Variants in PRCC observed in about 807,000 individuals in gnomAD.
PRCC encodes the protein proline rich mitotic checkpoint control factor, also known as proline-rich protein PRCC.
In PRCC, 10 loss-of-function variants were observed where a neutral mutation model predicts 44.0. That is an observed-to-expected ratio of 0.23 (90% CI 0.14 to 0.39). The LOEUF is 0.39. Ranked by LOEUF, PRCC falls within the 10% of genes least tolerant of loss-of-function variation. The probability of loss-of-function intolerance (pLI) is 1.00; values close to 1 mark genes in which losing one functional copy is unlikely to be tolerated. For missense variants in PRCC, 573 were observed against 624.7 expected, an observed-to-expected ratio of 0.92 and a Z score of 0.88; for synonymous variants, 278 against 259.5, an observed-to-expected ratio of 1.07 and a Z score of -0.69.
At chr1:156,790,298 A>T (rs935529613) in intron 3 of PRCC, among the ~76,000 whole-genome samples, 60 of 152,248 alleles carry the variant, frequency 3.9e-4, no homozygotes, top group African/African-American at 1.4e-3. Flanking sequence ...CAGAGATAGT[A>T]TATCTGCCCT....
intron 1 of PRCC, among the ~76,000 whole-genome samples, chr1:156,779,635 C>T (rs59671540): frequency 6.6e-6 from 1 of 152,146 alleles, no homozygotes; most frequent in Non-Finnish European, 1.5e-5. Flanking sequence ...TCCCAAAGTG[C>T]TGGAATGACA....
chr1:156,781,728 T>C (rs1432273936), intron 1 of PRCC, among the ~76,000 whole-genome samples: 1 of 152,200 alleles, frequency 6.6e-6, no homozygotes, highest in East Asian at 1.9e-4. Context: ...AGACAATAGA[T>C]CATACTTGGA....
intron 1 of PRCC, among the ~76,000 whole-genome samples, chr1:156,768,842 CAG>C (rs1651517177): frequency 6.6e-6 from 1 of 152,118 alleles, no homozygotes; most frequent in South Asian, 2.1e-4. Flanking sequence ...AGATGAGAAA[CAG>C]GTGTCCAGCA....
chr1:156,797,259 G>T lies in PRCC; in HGVS notation c.1324-17G>T, dbSNP rs747488685. The T allele has an allele frequency of 4.3e-6, 7 of 1,613,892 alleles. No individual in the cohort carries two copies. The East Asian group carries it at 8.9e-5, about 21-fold the overall frequency. On this transcript the variant is annotated splice_polypyrimidine_tract_variant and intron_variant, in intron 5 of 6. Transcript: ENST00000271526. Reference sequence around the variant, plus strand: ...TTTCATCCTGTGGATTAATGAATATGTTTTCTTCTCTTGCAGAAGAAAGGT... The same window carrying T: ...TTTCATCCTGTGGATTAATGAATATTTTTTCTTCTCTTGCAGAAGAAAGGT...
chr1:156,774,080 T>C (rs1328311854), intron 1 of PRCC, among the ~76,000 whole-genome samples: 1 of 150,082 alleles, frequency 6.7e-6, no homozygotes, highest in Non-Finnish European at 1.5e-5. Flanking sequence ...GAATAGCAGT[T>C]ACCAGGGGCT....
rs1248928448 is a variant in PRCC at position 156,768,133 on chromosome 1, A to G, written c.362A>G (p.Asn121Ser). 1.5e-5 allele frequency: 24 copies of G among 1,568,156 alleles called. 2 individuals are homozygous for G. The Admixed American group carries it at 3.7e-4, about 24-fold the overall frequency. The change falls in exon 1 of 7, where the codon AAT becomes AGT. Residue 121 changes from asparagine (N) to serine (S), a missense_variant. By Grantham distance (46) the Asn-to-Ser change is conservative (BLOSUM62 1). Around this residue, in one of 4 missense-constraint regions of PRCC, gnomAD observed 245 missense variants for 188.5 expected, o/e 1.30. Transcript: ENST00000271526. ...CCCTCGCCCCGAGGCCCTGGCCTCAATCTGCCCCCTCCAATTGGCGGTGCC... is the reference window on the plus strand; with the variant it reads ...CCCTCGCCCCGAGGCCCTGGCCTCAGTCTGCCCCCTCCAATTGGCGGTGCC... ...GLPSPRGPGL[N>S]LPPPIGGAGP...
At chr1:156,781,677 A>G (rs751519401) in intron 1 of PRCC, among the ~76,000 whole-genome samples, 3 of 152,234 alleles carry the variant, frequency 2.0e-5, no homozygotes, top group Admixed American at 2.0e-4. Context: ...CCTCATGGTC[A>G]TCATTTGCCT....
At chr1:156,791,376 G>A in intron 3 of PRCC, 1 of 466,988 alleles carries the variant, frequency 2.1e-6, no homozygotes, top group East Asian at 3.9e-5. Flanking sequence ...GAGGTAAGAG[G>A]TGAGAGTCTC....
chr1:156,781,794 T>C (rs150101820), intron 1 of PRCC, among the ~76,000 whole-genome samples: 1 of 152,352 alleles, frequency 6.6e-6, no homozygotes, highest in East Asian at 1.9e-4. Flanking sequence ...GAAGAGTAGT[T>C]AACACACCAC....
chr1:156,779,126 A>ATT, intron 1 of PRCC, among the ~76,000 whole-genome samples: 1 of 29,338 alleles, frequency 3.4e-5, no homozygotes, highest in Non-Finnish European at 6.1e-5. Flanking sequence ...ATATATATAT[A>ATT]TATTTTTTTT....
Position 156,782,313 on chromosome 1 carries a change from A to G in PRCC, c.500A>G (p.Lys167Arg). 1 of 1,608,040 alleles carries G rather than the reference A, an allele frequency of 6.2e-7. No individual in the cohort carries two copies. Among genetic ancestry groups the G allele is most frequent in the Non-Finnish European group, 8.5e-7 (1 of 1,175,144 alleles). The change falls in exon 2 of 7, where the codon AAG becomes AGG. Residue 167 changes from lysine to arginine, a missense_variant. Physicochemically the swap from Lys to Arg is conservative, Grantham distance 26 (BLOSUM62 2). Transcript: ENST00000271526. ...SDSEEDEPTK[K>R]KTILQGSSEG... ...TCTGAGGAAGATGAACCCACAAAGAAGAAAACTATCCTTCAGGTAAGCATT... is the reference window on the plus strand; with the variant it reads ...TCTGAGGAAGATGAACCCACAAAGAGGAAAACTATCCTTCAGGTAAGCATT...
Position 156,767,676 on chromosome 1 carries a change from CCCCGCCAGGTGGCGGGGCCT to C in PRCC, c.-95_-76del. The C allele has an allele frequency of 7.6e-7, 1 of 1,319,904 alleles. No individual in the cohort carries two copies. The highest frequency in any genetic ancestry group is 1.0e-6 in the Non-Finnish European group (1 of 981,194). 81.8% of individuals were successfully genotyped at this position (1,319,904 alleles called of 1,614,324 possible). A position where few individuals can be genotyped will look rare whatever the true frequency, so the allele number is the denominator to read the frequency against. ...AGCAGGCGGACTTTTCGGTTCCCCGCCCCGCCAGGTGGCGGGGCCTACTAGGCCTCCGGGCATCCCCGGTC... is the reference window on the plus strand; with the variant it reads ...AGCAGGCGGACTTTTCGGTTCCCCGCACTAGGCCTCCGGGCATCCCCGGTC... On this transcript the variant is annotated 5_prime_UTR_variant, in exon 1 of 7. Transcript: ENST00000271526.
chr1:156,796,441 A>G (rs950311632), intron 5 of PRCC: 4 of 152,270 alleles, frequency 2.6e-5, no homozygotes, highest in South Asian at 2.1e-4. Context: ...GATTGATGAC[A>G]TAAGTGCTGA....
At chr1:156,773,683 C>A (rs1046203016) in intron 1 of PRCC, among the ~76,000 whole-genome samples, 1 of 152,194 alleles carries the variant, frequency 6.6e-6, no homozygotes, top group Non-Finnish European at 1.5e-5. Context: ...TTAATATACT[C>A]TTGAGGAAAA....
intron 3 of PRCC, among the ~76,000 whole-genome samples, chr1:156,789,931 G>A (rs1043974153): frequency 6.6e-6 from 1 of 152,226 alleles, no homozygotes; most frequent in Non-Finnish European, 1.5e-5. Context: ...TAGAATGCCA[G>A]GTTGTACGTA....
chr1:156,798,770 A>G lies in PRCC; in HGVS notation c.1389+1429A>G, dbSNP rs563280058. Among the ~76,000 whole-genome samples the G allele has an allele frequency of 6.8e-5, 10 of 147,120 alleles. No homozygotes were observed. In the South Asian group the frequency reaches 2.2e-3, roughly 32 times the overall value. On this transcript the variant is annotated intron_variant, in intron 6 of 6. Coordinates refer to ENST00000271526, the MANE Select transcript of PRCC (RefSeq NM_005973.5). ...AGGCTGAGGCAGGAGAATCGCTTGA[A>G]CCCGGGAGGTGGAGGTTGCAGTGAG...
At chr1:156,784,224 G>A (rs1652153127) in intron 2 of PRCC, among the ~76,000 whole-genome samples, 1 of 152,134 alleles carries the variant, frequency 6.6e-6, no homozygotes, top group South Asian at 2.1e-4. Context: ...TGAAATTATA[G>A]GCGTGAGCCA....
chr1:156,789,170 A>C (rs985720076), intron 3 of PRCC, among the ~76,000 whole-genome samples: 1 of 152,104 alleles, frequency 6.6e-6, no homozygotes, highest in Non-Finnish European at 1.5e-5. Flanking sequence ...GGGTTTCACC[A>C]TGTTGGTCAG....
rs368435927 is a variant in PRCC, at chr1:156,786,817, C to G, written c.726C>G (p.Pro242=). 7 of 1,614,236 alleles carry G rather than the reference C, an allele frequency of 4.3e-6. No individual in the cohort carries two copies. The highest frequency in any genetic ancestry group is 5.9e-6 in the Non-Finnish European group (7 of 1,180,034). ...GCACCACAACCACCACTCCGTCGCC[C>G]TCTGCTATCAAGGCTGCTGCCAAGA... ...VVGTTTTTPS[P]SAIKAAAKSA... is the part of the protein sequence containing the mutation. Residue 242 remains proline (P), a synonymous_variant, in exon 3 of 7, where the codon CCC becomes CCG. Coordinates refer to ENST00000271526, the MANE Select transcript of PRCC (RefSeq NM_005973.5).
Sources: allele counts gnomAD v4.1 joint callset (sites outside exome capture counted in the v4.1 genomes callset), GRCh38; gene constraint gnomAD v4.1.1; regional missense constraint gnomAD v4.1.1; transcripts MANE v1.5; gene names NCBI Gene and HGNC (gene_info 2026-07-23, HGNC 2026-07-21).